STXBP5L: variants seen among roughly 807,000 people sequenced by gnomAD.
The protein encoded by STXBP5L is syntaxin binding protein 5L.
STXBP5L carries 65 observed loss-of-function variants against 144.5 expected under a neutral mutation model. The ratio of observed to expected loss-of-function variants is 0.45; its 90% confidence interval spans 0.37 to 0.55. STXBP5L has a LOEUF of 0.55. STXBP5L is among the 20% of genes least tolerant of loss of function. STXBP5L has a pLI of 0.00. For missense variants in STXBP5L, 1,298 were observed against 1,405.5 expected (o/e 0.92, Z 1.22); for synonymous variants, 505 against 469.6 (o/e 1.08, Z -0.97).
Position 121,041,760 on chromosome 3 carries a change from G to A in STXBP5L, c.348G>A (p.Gln116=). Reference sequence around the variant, plus strand: ...ATGAAAGTGGTGCAGCTGTCCTACAGCTCCAATTTTTGATCAATGAGGTAA... The same window carrying A: ...ATGAAAGTGGTGCAGCTGTCCTACAACTCCAATTTTTGATCAATGAGGTAA... ...CQHESGAAVL[Q]LQFLINEGAL... The change falls in exon 4 of 27, where the codon CAG becomes CAA. Residue 116 remains glutamine (Q), a synonymous_variant. Coordinates refer to ENST00000471454, the MANE Select transcript of STXBP5L (RefSeq NM_001308330.2). 11 of 1,612,486 alleles carry A rather than the reference G, an allele frequency of 6.8e-6. No individual in the cohort carries two copies. The highest frequency in any genetic ancestry group is 9.3e-6 in the Non-Finnish European group (11 of 1,179,012).
At chr3:120,997,864 C>CA (rs569308050) in intron 3 of STXBP5L, among the ~76,000 whole-genome samples, 47 of 152,130 alleles carry the variant, frequency 3.1e-4, no homozygotes, top group Non-Finnish European at 6.0e-4. Flanking sequence ...TTCAGCGGCA[C>CA]ATCAAAAAGC....
rs559185612 is a variant in STXBP5L, at chr3:121,029,358, G to A, written c.288-12342G>A. Among the ~76,000 whole-genome samples the A allele has an allele frequency of 9.9e-4, 150 of 152,058 alleles. No homozygotes were observed. In the Middle Eastern group the frequency reaches 0.014, roughly 14 times the overall value. On this transcript the variant is annotated intron_variant, in intron 3 of 26. Coordinates refer to ENST00000471454, the MANE Select transcript of STXBP5L (RefSeq NM_001308330.2). ...ATATAGACCAATGGAACACAACAGA[G>A]GCCTCAGAAATAACACCACACATCT...
chr3:121,090,475 A>C (rs1207103845), intron 5 of STXBP5L, among the ~76,000 whole-genome samples: 1 of 152,184 alleles, frequency 6.6e-6, no homozygotes, highest in Non-Finnish European at 1.5e-5. Flanking sequence ...ATCCATATAG[A>C]TGTAGAAAAT....
intron 3 of STXBP5L, among the ~76,000 whole-genome samples, chr3:121,005,727 G>A (rs989638349): frequency 6.6e-6 from 1 of 152,160 alleles, no homozygotes; most frequent in Non-Finnish European, 1.5e-5. Context: ...CTTTAAATGT[G>A]TCCCAGAGAT....
chr3:121,108,273 G>A (rs1189817860), intron 5 of STXBP5L, among the ~76,000 whole-genome samples: 3 of 152,126 alleles, frequency 2.0e-5, no homozygotes, highest in Non-Finnish European at 4.4e-5. Context: ...GTGAGAGAGG[G>A]CATCCTTGTC....
At chr3:120,989,318 A>G (rs927775599) in intron 3 of STXBP5L, among the ~76,000 whole-genome samples, 2 of 152,166 alleles carry the variant, frequency 1.3e-5, no homozygotes, top group Non-Finnish European at 2.9e-5. Flanking sequence ...CTTTTAAATA[A>G]TAGCCATTCT....
chr3:121,314,626 A>T (rs1303153905), intron 19 of STXBP5L, among the ~76,000 whole-genome samples: 1 of 146,852 alleles, frequency 6.8e-6, no homozygotes, highest in Non-Finnish European at 1.5e-5. Context: ...AGGGAGAGGG[A>T]GAGGGAGAGC....
intron 3 of STXBP5L, among the ~76,000 whole-genome samples, chr3:121,014,978 C>G (rs1245124357): frequency 2.0e-5 from 3 of 151,910 alleles, no homozygotes; most frequent in Non-Finnish European, 4.4e-5. Flanking sequence ...GACCTCTATA[C>G]TGAAAATTAT....
intron 6 of STXBP5L, among the ~76,000 whole-genome samples, chr3:121,119,821 T>A (rs956698581): frequency 2.0e-5 from 3 of 151,390 alleles, no homozygotes; most frequent in Admixed American, 2.0e-4. Context: ...GTGTTCTATG[T>A]TTGTTTAAGA....
At chr3:121,392,805 A>G (rs966041486) in intron 22 of STXBP5L, among the ~76,000 whole-genome samples, 5 of 117,224 alleles carry the variant, frequency 4.3e-5, no homozygotes, top group Admixed American at 8.3e-5. Flanking sequence ...ATATATATAT[A>G]TATCACATTT....
rs529609294 is a variant in STXBP5L, at chr3:121,347,512, G to C, written c.2176+28972G>C. Among the ~76,000 whole-genome samples, 47 of 152,276 alleles carry C rather than the reference G, an allele frequency of 3.1e-4. No homozygotes were observed. The South Asian group carries it at 9.5e-3, about 31-fold the overall frequency. ...TGTGAAGAAAGTCATTTGGTAACTT[G>C]ATGGGGATGGCATTGAATCTATAAA... is the stretch of plus-strand genomic sequence containing the variant. On this transcript the variant is annotated intron_variant, in intron 20 of 26. Transcript: ENST00000471454.
intron 20 of STXBP5L, among the ~76,000 whole-genome samples, chr3:121,361,121 C>T (rs920305017): frequency 6.6e-6 from 1 of 152,152 alleles, no homozygotes; most frequent in African/African-American, 2.4e-5. Flanking sequence ...ACTACTTTCT[C>T]CTATCCTGTA....
intron 4 of STXBP5L, among the ~76,000 whole-genome samples, chr3:121,044,291 T>A (rs1039769006): frequency 1.6e-4 from 24 of 152,140 alleles, no homozygotes; most frequent in African/African-American, 5.1e-4. Flanking sequence ...AAATCACAGG[T>A]ACCAAATATA....
At chr3:121,060,037 C>T (rs945869646) in intron 5 of STXBP5L, among the ~76,000 whole-genome samples, 12 of 152,218 alleles carry the variant, frequency 7.9e-5, no homozygotes, top group African/African-American at 2.4e-4. Context: ...AGAGGGCATC[C>T]TTGTCTTATG....
At chr3:121,014,467 A>T (rs926590143) in intron 3 of STXBP5L, among the ~76,000 whole-genome samples, 4 of 151,998 alleles carry the variant, frequency 2.6e-5, no homozygotes, top group African/African-American at 9.7e-5. Context: ...TTAATCTTGT[A>T]GTTCAAGACT....
intron 3 of STXBP5L, among the ~76,000 whole-genome samples, chr3:120,967,633 T>C (rs1939760847): frequency 6.6e-6 from 1 of 152,208 alleles, no homozygotes; most frequent in South Asian, 2.1e-4. Flanking sequence ...TCTTTCCTTC[T>C]ACTAATTTTG....
intron 3 of STXBP5L, among the ~76,000 whole-genome samples, chr3:120,986,989 G>T (rs545876001): frequency 6.6e-6 from 1 of 151,842 alleles, no homozygotes; most frequent in East Asian, 1.9e-4. Context: ...GGGAATCCCA[G>T]AAAGAAAAAA....
intron 20 of STXBP5L, among the ~76,000 whole-genome samples, chr3:121,319,410 C>A (rs1025446203): frequency 6.6e-6 from 1 of 152,084 alleles, no homozygotes; most frequent in African/African-American, 2.4e-5. Context: ...GCATTTCTTC[C>A]ATTTATTCCA....
rs200122029 is a variant in STXBP5L at position 121,233,707 on chromosome 3, G to A, written c.1184+19G>A. ...AAAGCAAGTAAGTTATCCATGTACA[G>A]ATTAACACTTTTAAACTCTATTTAT... On this transcript the variant is annotated intron_variant, in intron 12 of 26. Coordinates refer to ENST00000471454, the MANE Select transcript of STXBP5L (RefSeq NM_001308330.2). 7.0e-4 allele frequency: 1,088 copies of A among 1,565,040 alleles called. 5 individuals carry two copies. Among genetic ancestry groups the A allele is most frequent in the South Asian group, 2.0e-3 (174 of 86,960 alleles).
Sources: allele counts gnomAD v4.1 joint callset (sites outside exome capture counted in the v4.1 genomes callset), GRCh38; gene constraint gnomAD v4.1.1; transcripts MANE v1.5; gene names NCBI Gene and HGNC (gene_info 2026-07-23, HGNC 2026-07-21).